NAV3: variants seen among roughly 807,000 people sequenced by gnomAD.
The protein encoded by NAV3 is pore membrane and/or filament interacting like protein 1.
Under a neutral mutation model 244.7 loss-of-function variants are expected in NAV3, and 87 were observed. That is an observed-to-expected ratio of 0.36 (90% confidence interval 0.30 to 0.42). The LOEUF (loss-of-function observed/expected upper bound fraction) is 0.42. Ranked by LOEUF, NAV3 falls within the 20% of genes least tolerant of loss-of-function variation. The pLI, the probability that NAV3 is intolerant of heterozygous loss-of-function variation, is 1.00. For missense variants in NAV3, 2,663 were observed against 2,893.3 expected, an observed-to-expected ratio of 0.92 and a Z score of 1.83; for synonymous variants, 1,126 against 1,042.2, an observed-to-expected ratio of 1.08 and a Z score of -1.55.
chr12:78,033,562 A>T (rs541642399), intron 9 of NAV3, among the ~76,000 whole-genome samples: 23 of 152,228 alleles, frequency 1.5e-4, no homozygotes, highest in African/African-American at 5.5e-4. Flanking sequence ...AGCAAGCAGG[A>T]TGGCGCTCTC....
chr12:77,729,993 T>C (rs1213538647), intron 2 of NAV3, among the ~76,000 whole-genome samples: 1 of 151,946 alleles, frequency 6.6e-6, no homozygotes, highest in Non-Finnish European at 1.5e-5. Flanking sequence ...ATGAGGGGTA[T>C]AGAATTAATT....
chr12:77,654,151 C>T (rs1872957209), intron 2 of NAV3, among the ~76,000 whole-genome samples: 1 of 152,180 alleles, frequency 6.6e-6, no homozygotes, highest in Non-Finnish European at 1.5e-5. Context: ...CAGGGCGAGG[C>T]ATTGCCTCAC....
At chr12:77,917,064 A>G (rs1887217390) in intron 1 of NAV3, among the ~76,000 whole-genome samples, 2 of 152,130 alleles carry the variant, frequency 1.3e-5, no homozygotes, top group Admixed American at 6.6e-5. Context: ...AATGAAAAAG[A>G]AAACTAGCAA....
chr12:77,826,057 C>T (rs1872981477), upstream of NAV3, among the ~76,000 whole-genome samples: 1 of 152,024 alleles, frequency 6.6e-6, no homozygotes. Context: ...AGCAACTGGA[C>T]CTCTCATACA....
intron 5 of NAV3, among the ~76,000 whole-genome samples, chr12:77,973,054 G>A (rs576382451): frequency 6.6e-6 from 1 of 152,030 alleles, no homozygotes; most frequent in Non-Finnish European, 1.5e-5. Flanking sequence ...CAAGGTGTTA[G>A]GATGATAGTA....
chr12:78,157,916 A>G (rs1389715905), intron 22 of NAV3, among the ~76,000 whole-genome samples: 10 of 152,100 alleles, frequency 6.6e-5, no homozygotes, highest in African/African-American at 2.4e-4. Flanking sequence ...TTTTCTCCAT[A>G]TTGCAGTGTC....
At chr12:78,197,507 T>C (rs1959194124) in intron 35 of NAV3, 106 bp downstream of exon 35, 2 of 784,852 alleles carry the variant, frequency 2.5e-6, no homozygotes, top group Non-Finnish European at 3.8e-6. Flanking sequence ...ATTTAATTTT[T>C]ATTTTTTAAA....
chr12:77,923,906 A>G (rs1021523323), intron 1 of NAV3, among the ~76,000 whole-genome samples: 1 of 152,162 alleles, frequency 6.6e-6, no homozygotes, highest in Admixed American at 6.6e-5. Flanking sequence ...GTACAACACA[A>G]TGATCTCTGC....
At chr12:78,067,670 T>C (rs559763939) in intron 12 of NAV3, among the ~76,000 whole-genome samples, 1 of 152,192 alleles carries the variant, frequency 6.6e-6, no homozygotes, top group South Asian at 2.1e-4. Flanking sequence ...AGAAGAGCAT[T>C]AGAATAGGGA....
At chr12:78,002,303 A>T (rs1873445682) in intron 7 of NAV3, among the ~76,000 whole-genome samples, 1 of 152,122 alleles carries the variant, frequency 6.6e-6, no homozygotes, top group Non-Finnish European at 1.5e-5. Context: ...ACCAGAAGGG[A>T]TACTACCTAC....
At chr12:77,910,028 G>T (rs1242291) in intron 1 of NAV3, among the ~76,000 whole-genome samples, 80,840 of 151,854 alleles carry the variant, frequency 0.53, 22,160 homozygotes, top group African/African-American at 0.67. Flanking sequence ...AGAATAGCAC[G>T]ATTTTACTCT....
intron 24 of NAV3, among the ~76,000 whole-genome samples, chr12:78,174,730 G>A (rs113927959): frequency 0.011 from 1,604 of 152,028 alleles, 7 homozygotes; most frequent in Non-Finnish European, 0.016. Context: ...TGGAGGATCT[G>A]CCTTTCATTG....
rs184279026 is a variant in NAV3 at position 77,632,215 on chromosome 12, G to A, written c.72+59949G>A. ...TTGCATGTTTTTCCCAAGGGGTTGT[G>A]AGAAAAAATGAAGCATGCTTTTGAT... is the stretch of plus-strand genomic sequence containing the variant. On this transcript the variant is annotated intron_variant, in intron 2 of 8. Transcript: ENST00000550042. Among the ~76,000 whole-genome samples the A allele has an allele frequency of 3.9e-5, 6 of 152,226 alleles. No individual in the cohort carries two copies. In the East Asian group the frequency reaches 1.2e-3, roughly 29 times the overall value.
intron 3 of NAV3, among the ~76,000 whole-genome samples, chr12:77,943,408 A>G (rs532626999): frequency 6.6e-6 from 1 of 152,338 alleles, no homozygotes; most frequent in East Asian, 1.9e-4. Flanking sequence ...TTAGATCCTC[A>G]TTTCTTTAAG....
intron 2 of NAV3, among the ~76,000 whole-genome samples, chr12:77,746,921 G>A (rs1296440726): frequency 6.6e-6 from 1 of 152,050 alleles, no homozygotes; most frequent in Non-Finnish European, 1.5e-5. Context: ...TTATTAAAAT[G>A]CAAAGAAAAA....
chr12:77,984,919 C>A (rs1617905), intron 5 of NAV3, among the ~76,000 whole-genome samples: 1 of 151,822 alleles, frequency 6.6e-6, no homozygotes, highest in Non-Finnish European at 1.5e-5. Flanking sequence ...TGGGTTCAAG[C>A]GATTCTCCTG....
In NAV3 at chr12:78,118,269, A is replaced by G. The variant is rs199667497; in HGVS notation, c.3012A>G (p.Lys1004=). The change falls in exon 14 of 40, where the codon AAA becomes AAG. Residue 1004 remains lysine (K), a synonymous_variant. Transcript: ENST00000397909. The part of the protein sequence containing the change: ...SAQGGAPSRQ[K]AGTSALKTPG... ...AAGGAGGGGCGCCATCTAGGCAGAA[A>G]GCTGGAACAAGTGCACTCAAAACAC... 3.1e-6 allele frequency: 5 copies of G among 1,610,320 alleles called. No homozygotes were observed. The African/African-American group carries it at 4.0e-5, about 13-fold the overall frequency.
chr12:78,185,830 A>G lies in NAV3; in HGVS notation c.5790+132A>G, dbSNP rs918647451. ...TGGATTGGCATTAGCTTAACATGTC[A>G]TACAAACATGAAAAGGACAATAAAA... On this transcript the variant is annotated intron_variant, in intron 31 of 39. Coordinates refer to ENST00000397909, the MANE Select transcript of NAV3 (RefSeq NM_001024383.2). 4.3e-6 allele frequency: 3 copies of G among 696,818 alleles called. No individual in the cohort carries two copies. In the African/African-American group the frequency reaches 5.4e-5, roughly 13 times the overall value. The allele number at this position is 696,818 out of a possible 1,614,324, so 43.2% of individuals were successfully genotyped here. A position where few individuals can be genotyped will look rare whatever the true frequency, so the allele number is the denominator to read the frequency against.
At chr12:77,709,773 A>G (rs1020758074) in intron 2 of NAV3, among the ~76,000 whole-genome samples, 4 of 152,154 alleles carry the variant, frequency 2.6e-5, no homozygotes, top group Non-Finnish European at 4.4e-5. Flanking sequence ...CAACCTTGGT[A>G]ATATTGATTT....
Sources: gnomAD v4.1 joint callset for allele counts (sites outside exome capture counted in the v4.1 genomes callset) on GRCh38, gnomAD v4.1.1 for gene constraint, MANE v1.5 for transcripts, NCBI Gene and HGNC (gene_info 2026-07-23, HGNC 2026-07-21) for gene names.